The following CLEC12A variants were observed in gnomAD, a reference collection of about 807,000 sequenced individuals.
The protein encoded by CLEC12A is C-type lectin protein CLL-1.
In CLEC12A, 22 loss-of-function variants were observed where a neutral mutation model predicts 26.5. The ratio of observed to expected loss-of-function variants is 0.83; its 90% CI spans 0.59 to 1.19. The LOEUF is 1.19. CLEC12A is among the 50% of genes most tolerant of loss of function. The probability of loss-of-function intolerance (pLI) is 0.00; values close to 1 mark genes in which losing one functional copy is unlikely to be tolerated. For synonymous variants in CLEC12A, 119 were observed against 101.9 expected, an observed-to-expected ratio of 1.17 and a Z score of -1.01; for missense variants, 353 against 315.6, an observed-to-expected ratio of 1.12 and a Z score of -0.90.
chr12:9,970,670 G>A (rs977424161), upstream of CLEC12A, among the ~76,000 whole-genome samples: 2 of 110,588 alleles, frequency 1.8e-5, no homozygotes, highest in African/African-American at 6.6e-5. Flanking sequence ...TAGCTTAGCT[G>A]AGGAGGAGAT....
At chr12:9,967,134 G>A (rs191504865), upstream of CLEC12A, among the ~76,000 whole-genome samples, 114 of 151,734 alleles carry the variant, frequency 7.5e-4, no homozygotes, top group South Asian at 8.6e-3. Context: ...GACCTAGCTC[G>A]GCCTGGTGAG....
intron 1 of CLEC12A, among the ~76,000 whole-genome samples, chr12:9,962,617 C>T (rs1456903427): frequency 6.6e-6 from 1 of 152,064 alleles, no homozygotes; most frequent in Non-Finnish European, 1.5e-5. Flanking sequence ...GGGGCTTGTT[C>T]TCTGGCGGAC....
chr12:10,003,719 GC>G, the CLEC12A span, among the ~76,000 whole-genome samples: 1 of 152,076 alleles, frequency 6.6e-6, no homozygotes. Context: ...TTTGAGACCA[GC>G]CTGAGCAACA....
intron 1 of CLEC12A, among the ~76,000 whole-genome samples, chr12:9,954,012 CATGCTCGTT>C (rs1328200649): frequency 3.3e-4 from 47 of 144,170 alleles, no homozygotes; most frequent in African/African-American, 1.1e-3. Context: ...TTGAAGGCAG[CATGCTCGTT>C]AAGAGTCATC....
chr12:9,963,096 G>A lies in CLEC12A; in HGVS notation c.11-8481G>A, dbSNP rs937915921. Among the ~76,000 whole-genome samples the A allele has an allele frequency of 1.1e-3, 166 of 152,128 alleles. 2 individuals are homozygous for A. Among genetic ancestry groups the A allele is most frequent in the African/African-American group, 3.8e-3 (159 of 41,410 alleles). On this transcript the variant is annotated intron_variant, in intron 1 of 6. Coordinates refer to the CLEC12A transcript ENST00000355690. ...ATTTAGAATTATTCGTGATGGCCTG[G>A]ATACGGTTTTGTATGAATTGAAAAA...
chr12:9,971,821 A>T (rs903594815), intron 1 of CLEC12A, 134 bp downstream of exon 1: 9 of 675,714 alleles, frequency 1.3e-5, no homozygotes, highest in Non-Finnish European at 2.0e-5. Context: ...TAAGCAAAGG[A>T]ACAAAAAGTG....
At chr12:9,974,217 C>A (rs901546984) in intron 1 of CLEC12A, among the ~76,000 whole-genome samples, 12 of 152,110 alleles carry the variant, frequency 7.9e-5, no homozygotes, top group African/African-American at 2.9e-4. Flanking sequence ...TTTGCACATC[C>A]CTCCTGACAC....
chr12:10,002,771 C>G, the CLEC12A span, among the ~76,000 whole-genome samples: 1 of 152,136 alleles, frequency 6.6e-6, no homozygotes, highest in Non-Finnish European at 1.5e-5. Flanking sequence ...CATTACACTT[C>G]TTGTAAAAAG....
chr12:9,959,606 G>A (rs1591811543), intron 1 of CLEC12A, among the ~76,000 whole-genome samples: 1 of 151,970 alleles, frequency 6.6e-6, no homozygotes, highest in Non-Finnish European at 1.5e-5. Context: ...TTGACTCTAA[G>A]TCCCTTGGTT....
upstream of CLEC12A, among the ~76,000 whole-genome samples, chr12:9,967,198 A>T (rs1199567481): frequency 2.0e-5 from 3 of 151,898 alleles, no homozygotes; most frequent in Non-Finnish European, 4.4e-5. Context: ...AGACTCAGCG[A>T]TGCTTGGGGT....
intron 1 of CLEC12A, chr12:9,952,007 T>A (rs1863618846): frequency 6.6e-6 from 1 of 152,250 alleles, no homozygotes; most frequent in Admixed American, 6.6e-5. Flanking sequence ...CTGATTAGTA[T>A]GTGCTGCTGT....
intron 1 of CLEC12A, among the ~76,000 whole-genome samples, chr12:9,959,427 G>A (rs1863793632): frequency 6.7e-6 from 1 of 149,860 alleles, no homozygotes; most frequent in South Asian, 2.1e-4. Context: ...ACTCCAGCCT[G>A]GGAGAGAAGA....
chr12:9,999,173 C>T, downstream of CLEC12A: 3 of 913,654 alleles, frequency 3.3e-6, no homozygotes, highest in Non-Finnish European at 5.4e-6. Flanking sequence ...TTTACAATTT[C>T]AGTATCTGTC....
chr12:9,989,448 A>C (rs1864846576), downstream of CLEC12A, among the ~76,000 whole-genome samples: 1 of 152,228 alleles, frequency 6.6e-6, no homozygotes, highest in African/African-American at 2.4e-5. Flanking sequence ...TGATATGGAG[A>C]AAGTTTGGTG....
chr12:9,996,224 A>C (rs1016191960), downstream of CLEC12A, among the ~76,000 whole-genome samples: 9 of 152,176 alleles, frequency 5.9e-5, no homozygotes, highest in African/African-American at 2.2e-4. Context: ...TATTTTCTTT[A>C]AAATATATCA....
At chr12:9,958,479 G>A (rs573691384) in intron 1 of CLEC12A, among the ~76,000 whole-genome samples, 1 of 152,260 alleles carries the variant, frequency 6.6e-6, no homozygotes, top group East Asian at 1.9e-4. Context: ...AAGCCACGGG[G>A]GACTGGCTTT....
chr12:9,954,682 G>C (rs947389790), intron 1 of CLEC12A, among the ~76,000 whole-genome samples: 1 of 152,166 alleles, frequency 6.6e-6, no homozygotes, highest in Non-Finnish European at 1.5e-5. Context: ...TGTGTATGTA[G>C]GTATATGTGT....
At chr12:9,986,177 G>T (rs1207948515), downstream of CLEC12A, 1 of 454,376 alleles carries the variant, frequency 2.2e-6, no homozygotes, top group Admixed American at 2.4e-5. Flanking sequence ...AAAACAAGAA[G>T]AGATAAATAA....
intron 1 of CLEC12A, among the ~76,000 whole-genome samples, chr12:9,965,936 G>A (rs1863934575): frequency 6.6e-6 from 1 of 152,124 alleles, no homozygotes; most frequent in South Asian, 2.1e-4. Flanking sequence ...GAGATACAAG[G>A]GGAGGATGTG....
Sources: allele counts gnomAD v4.1 joint callset (sites outside exome capture counted in the v4.1 genomes callset), GRCh38; gene constraint gnomAD v4.1.1; transcripts MANE v1.5; gene names NCBI Gene and HGNC (gene_info 2026-07-23, HGNC 2026-07-21).